Variants in RASGRF2 observed in about 807,000 individuals in gnomAD.
The protein encoded by RASGRF2 is Ras protein specific guanine nucleotide releasing factor 2, also known as ras-specific guanine nucleotide-releasing factor 2.
In RASGRF2, 76 loss-of-function variants were observed where a neutral mutation model predicts 151.0. The ratio of observed to expected loss-of-function variants is 0.50; its 90% confidence interval spans 0.42 to 0.61. RASGRF2 has a LOEUF of 0.61. Ranked by LOEUF, RASGRF2 falls within the 20% of genes least tolerant of loss-of-function variation. The probability of loss-of-function intolerance (pLI) is 0.00; values close to 1 mark genes in which losing one functional copy is unlikely to be tolerated. For missense variants in RASGRF2, 1,148 were observed against 1,564.6 expected, an observed-to-expected ratio of 0.73 and a Z score of 4.49; for synonymous variants, 504 against 566.5, an observed-to-expected ratio of 0.89 and a Z score of 1.57.
intron 1 of RASGRF2, among the ~76,000 whole-genome samples, chr5:81,007,009 C>T (rs1460179522): frequency 1.3e-5 from 2 of 152,188 alleles, no homozygotes; most frequent in Non-Finnish European, 2.9e-5. Context: ...CTCACTTCCC[C>T]ATCTCCCTTT....
chr5:81,168,121 C>T (rs1754555117), intron 17 of RASGRF2, among the ~76,000 whole-genome samples: 1 of 151,958 alleles, frequency 6.6e-6, no homozygotes, highest in Non-Finnish European at 1.5e-5. Context: ...CAGCCTCTGC[C>T]CTCTCCCCGA....
chr5:81,056,820 G>T (rs897496356), intron 2 of RASGRF2, among the ~76,000 whole-genome samples: 16 of 152,098 alleles, frequency 1.1e-4, no homozygotes, highest in Non-Finnish European at 1.6e-4. Flanking sequence ...TCCTGTATTG[G>T]GTGCCTATAT....
chr5:81,200,851 C>T (rs1342671941), intron 18 of RASGRF2, among the ~76,000 whole-genome samples: 2 of 152,062 alleles, frequency 1.3e-5, no homozygotes, highest in Admixed American at 1.3e-4. Flanking sequence ...TGTATGGAGG[C>T]GGCATAGTGT....
intron 17 of RASGRF2, among the ~76,000 whole-genome samples, chr5:81,132,498 G>T (rs1753648304): frequency 6.6e-6 from 1 of 151,972 alleles, no homozygotes; most frequent in Non-Finnish European, 1.5e-5. Context: ...TCACTTTTTT[G>T]GATACCCACA....
chr5:81,038,697 T>G (rs1313559782), intron 1 of RASGRF2, among the ~76,000 whole-genome samples: 1 of 146,216 alleles, frequency 6.8e-6, no homozygotes. Flanking sequence ...TGCCTCAGCC[T>G]CCCAGGCAGC....
At chr5:81,111,739 A>G (rs911348787) in intron 13 of RASGRF2, among the ~76,000 whole-genome samples, 1 of 152,180 alleles carries the variant, frequency 6.6e-6, no homozygotes, top group African/African-American at 2.4e-5. Flanking sequence ...AAAAAACAGT[A>G]GAAGGGGTAA....
chr5:81,024,420 A>G (rs968530010), intron 1 of RASGRF2, among the ~76,000 whole-genome samples: 9 of 151,230 alleles, frequency 6.0e-5, no homozygotes, highest in Non-Finnish European at 1.3e-4. Context: ...CCACCACGCC[A>G]GGCTAATTTT....
intron 24 of RASGRF2, chr5:81,216,899 C>A: frequency 2.3e-6 from 1 of 428,354 alleles, no homozygotes; most frequent in Non-Finnish European, 4.7e-6. Flanking sequence ...ATTTAAGTAC[C>A]AACTAAAACA....
intron 17 of RASGRF2, among the ~76,000 whole-genome samples, chr5:81,138,766 G>GTT (rs70994422): frequency 4.6e-4 from 68 of 149,094 alleles, no homozygotes; most frequent in African/African-American, 9.6e-4. Context: ...GGATGTGCTT[G>GTT]TTTTTTTTTT....
At chr5:81,099,900 C>CT (rs1009618364) in intron 12 of RASGRF2, among the ~76,000 whole-genome samples, 3 of 127,644 alleles carry the variant, frequency 2.4e-5, no homozygotes, top group Non-Finnish European at 3.3e-5. Context: ...CACTATTTTT[C>CT]TTTTTTCTTT....
intron 1 of RASGRF2, among the ~76,000 whole-genome samples, chr5:80,965,496 A>G (rs187381099): frequency 5.3e-5 from 8 of 152,284 alleles, no homozygotes; most frequent in African/African-American, 1.9e-4. Context: ...GGCTACACTA[A>G]GCCTTACTAT....
chr5:81,093,418 G>GT (rs551246351), intron 10 of RASGRF2, among the ~76,000 whole-genome samples: 34 of 151,770 alleles, frequency 2.2e-4, no homozygotes, highest in South Asian at 8.3e-4. Context: ...TTTGTTTTGT[G>GT]TTTTTTTTGT....
At chr5:81,154,718 T>G (rs536016071) in intron 17 of RASGRF2, among the ~76,000 whole-genome samples, 1 of 152,278 alleles carries the variant, frequency 6.6e-6, no homozygotes, top group African/African-American at 2.4e-5. Flanking sequence ...AACAACAAAT[T>G]GTTAAATAAC....
chr5:81,136,430 G>GT (rs147720846), intron 17 of RASGRF2, among the ~76,000 whole-genome samples: 2,606 of 152,116 alleles, frequency 0.017, 78 homozygotes, highest in African/African-American at 0.06. Flanking sequence ...TAGCTTGGTG[G>GT]TTTTTTTCTT....
intron 17 of RASGRF2, among the ~76,000 whole-genome samples, chr5:81,161,010 T>C (rs1336131423): frequency 1.3e-5 from 2 of 152,234 alleles, no homozygotes; most frequent in Non-Finnish European, 2.9e-5. Context: ...AGCATTTTCT[T>C]CCTGGCTTCC....
intron 22 of RASGRF2, among the ~76,000 whole-genome samples, chr5:81,208,755 C>T (rs1273262926): frequency 2.6e-5 from 4 of 151,704 alleles, no homozygotes; most frequent in Non-Finnish European, 4.4e-5. Flanking sequence ...TTCACCATGT[C>T]GGCCAGACTG....
intron 1 of RASGRF2, among the ~76,000 whole-genome samples, chr5:80,974,751 C>T (rs1358207604): frequency 1.3e-5 from 2 of 152,134 alleles, no homozygotes; most frequent in African/African-American, 2.4e-5. Flanking sequence ...CTTTATGAAT[C>T]GGTTTTGACA....
At chr5:81,026,652 C>A (rs1750043052) in intron 1 of RASGRF2, among the ~76,000 whole-genome samples, 1 of 151,994 alleles carries the variant, frequency 6.6e-6, no homozygotes, top group South Asian at 2.1e-4. Context: ...CAGTCAACTT[C>A]ATTAATGTAG....
chr5:81,112,528 G>A, intron 13 of RASGRF2, 82 bp from the exon 14 acceptor site: 1 of 1,568,228 alleles, frequency 6.4e-7, no homozygotes, highest in Middle Eastern at 1.8e-4. Context: ...CTGAGTGTGT[G>A]ATTACAAACG....
Sources: gnomAD v4.1 joint callset for allele counts (sites outside exome capture counted in the v4.1 genomes callset) on GRCh38, gnomAD v4.1.1 for gene constraint, MANE v1.5 for transcripts, NCBI Gene and HGNC (gene_info 2026-07-23, HGNC 2026-07-21) for gene names.